The following DIAPH2 variants were observed in gnomAD, a reference collection of about 807,000 sequenced individuals.
The protein encoded by DIAPH2 is diaphanous related formin 2.
DIAPH2 carries 35 observed loss-of-function variants against 92.7 expected under a neutral mutation model. The observed-to-expected ratio is 0.38, with a 90% CI of 0.29 to 0.50. The LOEUF is 0.50. Ranked by LOEUF, DIAPH2 falls within the 20% of genes least tolerant of loss-of-function variation. The pLI is 0.94. For missense variants in DIAPH2, 701 were observed against 819.5 expected (o/e 0.86, Z 1.77); for synonymous variants, 301 against 280.4 (o/e 1.07, Z -0.73).
chrX:96,987,016 A>T (rs1458161379), intron 17 of DIAPH2, among the ~76,000 whole-genome samples: 1 of 111,628 alleles, frequency 9.0e-6, no homozygotes, highest in South Asian at 3.7e-4. Context: ...TTTTTTTTAC[A>T]ACCCTTTCAG....
intron 26 of DIAPH2, among the ~76,000 whole-genome samples, chrX:97,559,160 A>AT (rs2071276447): frequency 8.9e-6 from 1 of 112,136 alleles, no homozygotes; most frequent in South Asian, 3.7e-4. Flanking sequence ...TCTCCCTGTC[A>AT]TGTCATGAAA....
At chrX:97,570,888 C>A (rs1048838874) in intron 26 of DIAPH2, among the ~76,000 whole-genome samples, 3 of 111,472 alleles carry the variant, frequency 2.7e-5, no homozygotes, top group Non-Finnish European at 5.7e-5. Context: ...AAGGACAGAA[C>A]CTAATCCCTC....
intron 17 of DIAPH2, among the ~76,000 whole-genome samples, chrX:97,031,495 C>T (rs890303320): frequency 9.0e-6 from 1 of 111,459 alleles, no homozygotes; most frequent in Non-Finnish European, 1.9e-5. Flanking sequence ...ATCTTTTGTT[C>T]AAGCATCATT....
rs2071599943 is a variant in DIAPH2 at position 97,602,145 on chromosome X, A to T, written c.*2828A>T. 2 of 112,142 alleles carry T rather than the reference A, an allele frequency of 1.8e-5. No homozygotes were observed. Among genetic ancestry groups the T allele is most frequent in the Non-Finnish European group, 3.8e-5 (2 of 53,196 alleles). 9.2% of individuals were successfully genotyped at this position (112,142 alleles called of 1,213,427 possible). ...TGGTTTTGGGGATTAGGATGTGGCT[A>T]TGTCTTTTAGGAAGCCACTCTTAGC... On this transcript the variant is annotated 3_prime_UTR_variant, in exon 27 of 27. Transcript: ENST00000324765.
intron 21 of DIAPH2, among the ~76,000 whole-genome samples, chrX:97,137,279 A>ATATATATATATATATATG (rs2067178254): frequency 1.3e-5 from 1 of 74,740 alleles, no homozygotes; most frequent in African/African-American, 5.9e-5. Context: ...ACATATATAT[A>ATATATATATATATATATG]TATATATATA....
intron 22 of DIAPH2, among the ~76,000 whole-genome samples, chrX:97,155,110 G>C (rs1007990217): frequency 2.7e-5 from 3 of 112,285 alleles, no homozygotes; most frequent in Admixed American, 9.4e-5. Context: ...CTCAGCAGTA[G>C]TACAGGTGGT....
chrX:97,075,799 A>G (rs2066700937), intron 19 of DIAPH2, among the ~76,000 whole-genome samples: 1 of 111,960 alleles, frequency 8.9e-6, no homozygotes, highest in Non-Finnish European at 1.9e-5. Context: ...CTATGAGATA[A>G]GCACTATTAT....
intron 24 of DIAPH2, among the ~76,000 whole-genome samples, chrX:97,377,254 G>A (rs1055287664): frequency 2.7e-5 from 3 of 112,284 alleles, no homozygotes; most frequent in African/African-American, 9.7e-5. Flanking sequence ...CACTCTAAAT[G>A]GTAGAAAGTA....
intron 23 of DIAPH2, among the ~76,000 whole-genome samples, chrX:97,322,602 T>C (rs776943379): frequency 9.9e-4 from 110 of 111,603 alleles, no homozygotes; most frequent in African/African-American, 3.4e-3. Context: ...TAGCTGACTC[T>C]TAGTCACTGG....
At chrX:97,350,877 T>C (rs1468205270) in intron 24 of DIAPH2, among the ~76,000 whole-genome samples, 2 of 112,411 alleles carry the variant, frequency 1.8e-5, no homozygotes, top group Non-Finnish European at 3.7e-5. Context: ...GAATTTTTCA[T>C]ATATTGTCAC....
In DIAPH2 at chrX:97,392,904, T is replaced by C. The variant is rs146472001; in HGVS notation, c.3145+8860T>C. Among the ~76,000 whole-genome samples the C allele has an allele frequency of 4.7e-3, 526 of 111,692 alleles. 5 individuals are homozygous for C. The highest frequency in any genetic ancestry group is 0.016 in the African/African-American group (502 of 30,761). The stretch of plus-strand genomic sequence containing the variant: ...TGGCCTATTACCAGTCCCTGATAGT[T>C]AAATGTTCAGTCAGTATTTTCTGTT... On this transcript the variant is annotated intron_variant, in intron 25 of 26. Coordinates refer to ENST00000324765, the MANE Select transcript of DIAPH2 (RefSeq NM_006729.5).
chrX:97,030,664 G>A (rs2066367576), intron 17 of DIAPH2, among the ~76,000 whole-genome samples: 1 of 111,336 alleles, frequency 9.0e-6, no homozygotes, highest in African/African-American at 3.3e-5. Flanking sequence ...GTTTCCCCTT[G>A]TGTTTCCCAT....
intron 4 of DIAPH2, among the ~76,000 whole-genome samples, chrX:96,810,284 T>A (rs2064666832): frequency 8.9e-6 from 1 of 112,605 alleles, no homozygotes; most frequent in Non-Finnish European, 1.9e-5. Flanking sequence ...ATGAGCATTT[T>A]TTCATGTGTC....
intron 4 of DIAPH2, among the ~76,000 whole-genome samples, chrX:96,771,692 C>T (rs1045153642): frequency 9.0e-6 from 1 of 110,957 alleles, no homozygotes; most frequent in African/African-American, 3.3e-5. Flanking sequence ...TCCAGATAGC[C>T]TTGTCGGCAG....
intron 4 of DIAPH2, among the ~76,000 whole-genome samples, chrX:96,822,837 G>A (rs1471248127): frequency 8.9e-6 from 1 of 112,296 alleles, no homozygotes; most frequent in East Asian, 2.8e-4. Flanking sequence ...TTTTGATAAT[G>A]GATTAATAAC....
At chrX:97,552,633 G>A (rs1431641676) in intron 26 of DIAPH2, among the ~76,000 whole-genome samples, 1 of 107,712 alleles carries the variant, frequency 9.3e-6, no homozygotes, top group African/African-American at 3.4e-5. Context: ...GATGGCTGGA[G>A]TTTGCTTGTT....
At chrX:97,344,859 CTG>C (rs1404147403) in intron 23 of DIAPH2, among the ~76,000 whole-genome samples, 2 of 111,998 alleles carry the variant, frequency 1.8e-5, no homozygotes, top group Non-Finnish European at 3.8e-5. Flanking sequence ...GGCTTTTTCT[CTG>C]TGTTATACAG....
chrX:97,350,156 A>G, intron 24 of DIAPH2, among the ~76,000 whole-genome samples: 1 of 110,067 alleles, frequency 9.1e-6, no homozygotes, highest in Non-Finnish European at 1.9e-5. Flanking sequence ...CTAATAATAC[A>G]AAAATTAGCC....
intron 1 of DIAPH2, among the ~76,000 whole-genome samples, chrX:96,698,246 C>T (rs1400070997): frequency 8.9e-6 from 1 of 112,005 alleles, no homozygotes; most frequent in Non-Finnish European, 1.9e-5. Context: ...CTATTGCCCA[C>T]TTCCTTTCTG....
Sources: gnomAD v4.1 joint callset for allele counts (sites outside exome capture counted in the v4.1 genomes callset) on GRCh38, gnomAD v4.1.1 for gene constraint, MANE v1.5 for transcripts, NCBI Gene and HGNC (gene_info 2026-07-23, HGNC 2026-07-21) for gene names.